Variants in TMEM132B observed in about 807,000 individuals in gnomAD.
TMEM132B encodes the protein transmembrane protein 132B.
Under a neutral mutation model 90.8 loss-of-function variants are expected in TMEM132B, and 18 were observed. The observed-to-expected ratio is 0.20, with a 90% CI of 0.14 to 0.29. The LOEUF (loss-of-function observed/expected upper bound fraction) is 0.29. Among genes scored for constraint, TMEM132B ranks in the 10% least tolerant of loss-of-function variants. The pLI is 1.00. For missense variants in TMEM132B, 1,096 were observed against 1,326.8 expected, an observed-to-expected ratio of 0.83 and a Z score of 2.70; for synonymous variants, 504 against 523.3, an observed-to-expected ratio of 0.96 and a Z score of 0.50.
At chr12:125,531,375 G>A (rs1341296708) in intron 4 of TMEM132B, among the ~76,000 whole-genome samples, 2 of 152,078 alleles carry the variant, frequency 1.3e-5, no homozygotes, top group Non-Finnish European at 2.9e-5. Context: ...TTTTTGTAGA[G>A]ACAAAGTCTC....
chr12:125,541,899 C>T (rs1280863422), intron 4 of TMEM132B, among the ~76,000 whole-genome samples: 1 of 151,740 alleles, frequency 6.6e-6, no homozygotes, highest in East Asian at 1.9e-4. Flanking sequence ...GTGGCGGGCA[C>T]CTGTAGTCCC....
rs960168262 is a variant in TMEM132B at position 125,209,390 on chromosome 12, G to A, written c.67+22524G>A. Among the ~76,000 whole-genome samples the A allele has an allele frequency of 5.9e-5, 9 of 152,228 alleles. No individual in the cohort carries two copies. The highest frequency in any genetic ancestry group is 4.4e-5 in the Non-Finnish European group (3 of 68,042). ...CAGCCTGGGACAGCAGACGCTAGCA[G>A]TGGCAGCAGAGTGGCTGGTCACTGG... On this transcript the variant is annotated intron_variant, in intron 1 of 8. Transcript: ENST00000682704. The surrounding 1 kb of genome is among the most constrained non-coding windows in gnomAD (Gnocchi z 4.4).
At chr12:125,272,876 GTT>G (rs1487449477) in intron 1 of TMEM132B, among the ~76,000 whole-genome samples, 6 of 152,178 alleles carry the variant, frequency 3.9e-5, no homozygotes, top group Non-Finnish European at 8.8e-5. Flanking sequence ...TGGCTCATCT[GTT>G]TGCATTTGAA....
At chr12:125,452,863 C>G (rs575779482) in intron 3 of TMEM132B, among the ~76,000 whole-genome samples, 1 of 152,160 alleles carries the variant, frequency 6.6e-6, no homozygotes, top group Non-Finnish European at 1.5e-5. Context: ...TTTGGATATT[C>G]ATTCTTTTAA....
At chr12:125,647,299 C>T (rs980880146) in intron 6 of TMEM132B, among the ~76,000 whole-genome samples, 2 of 152,124 alleles carry the variant, frequency 1.3e-5, no homozygotes, top group African/African-American at 4.8e-5. Flanking sequence ...ACAGTATTTG[C>T]AGAAATAATG....
At chr12:125,565,204 C>A (rs1320989724) in intron 4 of TMEM132B, among the ~76,000 whole-genome samples, 1 of 152,216 alleles carries the variant, frequency 6.6e-6, no homozygotes, top group Non-Finnish European at 1.5e-5. Flanking sequence ...TTTACCCCCA[C>A]CCCAAGTCCA....
intron 1 of TMEM132B, among the ~76,000 whole-genome samples, chr12:125,328,924 C>CT: frequency 6.6e-6 from 1 of 152,196 alleles, no homozygotes; most frequent in East Asian, 1.9e-4. Flanking sequence ...CTGCTTTGCT[C>CT]TATCCTCCCT....
At chr12:125,269,707 C>G (rs1193092385) in intron 1 of TMEM132B, among the ~76,000 whole-genome samples, 10 of 152,150 alleles carry the variant, frequency 6.6e-5, no homozygotes, top group Non-Finnish European at 1.5e-4. Context: ...GTTAGGTTGG[C>G]TGCAGGGAAC....
intron 3 of TMEM132B, among the ~76,000 whole-genome samples, chr12:125,487,897 A>AAT (rs1882243017): frequency 6.6e-6 from 1 of 152,080 alleles, no homozygotes; most frequent in African/African-American, 2.4e-5. Flanking sequence ...TCATATCTTT[A>AAT]ATATATATCA....
intron 3 of TMEM132B, among the ~76,000 whole-genome samples, chr12:125,433,163 T>C (rs1880592827): frequency 6.6e-6 from 1 of 152,198 alleles, no homozygotes; most frequent in South Asian, 2.1e-4. Flanking sequence ...GTGTGCTTAT[T>C]TTTAAATGTT....
At chr12:125,511,953 G>T (rs1042834145) in intron 3 of TMEM132B, among the ~76,000 whole-genome samples, 2 of 152,066 alleles carry the variant, frequency 1.3e-5, no homozygotes, top group African/African-American at 4.8e-5. Context: ...TGAGGTGAGG[G>T]TTCACCACCA....
chr12:125,285,593 CAAA>C (rs1875327359), intron 1 of TMEM132B, among the ~76,000 whole-genome samples: 1 of 152,176 alleles, frequency 6.6e-6, no homozygotes, highest in South Asian at 2.1e-4. Context: ...ATTTCTTTCC[CAAA>C]GTGAGTCAGA....
chr12:125,358,649 C>A (rs1487672328), intron 2 of TMEM132B, among the ~76,000 whole-genome samples: 1 of 152,098 alleles, frequency 6.6e-6, no homozygotes, highest in African/African-American at 2.4e-5. Context: ...ACCTGTTTGG[C>A]CAGAATACCA....
chr12:125,550,463 G>A (rs1031261157), intron 4 of TMEM132B, among the ~76,000 whole-genome samples: 5 of 152,024 alleles, frequency 3.3e-5, no homozygotes, highest in Non-Finnish European at 5.9e-5. Flanking sequence ...TTACTGGTGC[G>A]GTTTCTGTCT....
At chr12:125,385,382 G>A (rs780846121) in intron 2 of TMEM132B, among the ~76,000 whole-genome samples, 3 of 152,194 alleles carry the variant, frequency 2.0e-5, no homozygotes, top group Non-Finnish European at 2.9e-5. Flanking sequence ...TTTGGGAGGA[G>A]GTTAGCTCCG....
In TMEM132B at chr12:125,339,793, C is replaced by T. The variant is rs150710029; in HGVS notation, c.68-9659C>T. 5.2e-3 allele frequency among the ~76,000 whole-genome samples: 787 copies of T among 152,132 alleles called. 12 individuals are homozygous for T. The highest frequency in any genetic ancestry group is 0.017 in the African/African-American group (722 of 41,536). ...CTACAGCGTGGGATAAAAATATTTGCACCCCCCAATGGCCTTATTTTAGCT... is the reference window on the plus strand; with the variant it reads ...CTACAGCGTGGGATAAAAATATTTGTACCCCCCAATGGCCTTATTTTAGCT... On this transcript the variant is annotated intron_variant, in intron 1 of 8. Transcript: ENST00000682704.
intron 1 of TMEM132B, among the ~76,000 whole-genome samples, chr12:125,340,476 G>C (rs550606426): frequency 6.6e-6 from 1 of 152,054 alleles, no homozygotes; most frequent in Non-Finnish European, 1.5e-5. Flanking sequence ...CAGAAGTGTA[G>C]GTAGTGTCTA....
At chr12:125,628,820 T>G (rs1886292361) in intron 5 of TMEM132B, among the ~76,000 whole-genome samples, 1 of 152,198 alleles carries the variant, frequency 6.6e-6, no homozygotes, top group East Asian at 1.9e-4. Context: ...TGATTTGATT[T>G]TTGTATATGG....
Position 125,590,876 on chromosome 12 carries a change from C to CTG in TMEM132B, c.1437+6884_1437+6885dup, listed in dbSNP as rs764719502. Among the ~76,000 whole-genome samples, 160 of 152,292 alleles carry CTG rather than the reference C, an allele frequency of 1.1e-3. 1 individual carries two copies. Among genetic ancestry groups the CTG allele is most frequent in the Middle Eastern group, 3.4e-3 (1 of 294 alleles). On this transcript the variant is annotated intron_variant, in intron 5 of 8. Transcript: ENST00000682704. Reference sequence around the variant, plus strand: ...ATGAGGAAGTGGCATCTAGAAGGTGCTGTAGCTCAAGTTCTAGTGGATACA... The same window carrying CTG: ...ATGAGGAAGTGGCATCTAGAAGGTGCTGTGTAGCTCAAGTTCTAGTGGATACA...
Sources: allele counts gnomAD v4.1 joint callset (sites outside exome capture counted in the v4.1 genomes callset), GRCh38; gene constraint gnomAD v4.1.1; non-coding constraint Gnocchi (gnomAD v3.1); transcripts MANE v1.5; gene names NCBI Gene and HGNC (gene_info 2026-07-23, HGNC 2026-07-21).